Variants in MAST4 observed in about 807,000 individuals in gnomAD.
The protein encoded by MAST4 is microtubule associated serine/threonine kinase family member 4, also known as microtubule-associated serine/threonine-protein kinase 4.
MAST4 carries 89 observed loss-of-function variants against 162.7 expected under a neutral mutation model. The observed-to-expected ratio is 0.55, with a 90% CI of 0.46 to 0.65. The LOEUF (loss-of-function observed/expected upper bound fraction) is 0.65, where lower values mean the gene tolerates loss of function less well. Ranked by LOEUF, MAST4 falls within the 30% of genes least tolerant of loss-of-function variation. The pLI is 0.00. For missense variants in MAST4, 3,153 were observed against 3,374.0 expected, an observed-to-expected ratio of 0.93 and a Z score of 1.62; for synonymous variants, 1,479 against 1,361.1, an observed-to-expected ratio of 1.09 and a Z score of -1.91.
intron 3 of MAST4, among the ~76,000 whole-genome samples, chr5:66,802,171 T>G (rs1415857434): frequency 6.6e-6 from 1 of 152,228 alleles, no homozygotes; most frequent in East Asian, 1.9e-4. Flanking sequence ...AGCTTTCTTA[T>G]ACATGTTAGA....
At chr5:66,794,895 A>G (rs1222132607) in intron 3 of MAST4, among the ~76,000 whole-genome samples, 4 of 152,236 alleles carry the variant, frequency 2.6e-5, no homozygotes, top group Admixed American at 6.5e-5. Context: ...GCCTTGATGA[A>G]TATTCATCTT....
intron 4 of MAST4, among the ~76,000 whole-genome samples, chr5:67,050,125 G>A (rs149344936): frequency 6.6e-6 from 1 of 152,298 alleles, no homozygotes; most frequent in Non-Finnish European, 1.5e-5. Context: ...CTCACACTGA[G>A]CCAGGCCTGA....
At chr5:66,684,006 C>T (rs1748484955) in intron 1 of MAST4, among the ~76,000 whole-genome samples, 1 of 152,146 alleles carries the variant, frequency 6.6e-6, no homozygotes, top group Non-Finnish European at 1.5e-5. Context: ...TCACATGAGT[C>T]GTGTGTTTTT....
chr5:67,126,161 T>G (rs779233288), intron 14 of MAST4, among the ~76,000 whole-genome samples: 4 of 152,202 alleles, frequency 2.6e-5, no homozygotes, highest in African/African-American at 4.8e-5. Context: ...ATCAGATGGA[T>G]AGGTTGCAAA....
chr5:67,163,190 C>T lies in MAST4; in HGVS notation c.4011C>T (p.Pro1337=), dbSNP rs1773422802. 1.9e-6 allele frequency: 3 copies of T among 1,612,144 alleles called. No homozygotes were observed. Among genetic ancestry groups the T allele is most frequent in the Non-Finnish European group, 2.5e-6 (3 of 1,178,524 alleles). Residue 1337 remains proline (P), a synonymous_variant, in exon 29 of 29, where the codon CCC becomes CCT. Coordinates refer to ENST00000403625, the MANE Select transcript of MAST4 (RefSeq NM_001164664.2). This position sits in a 1 kb window ranked among gnomAD's most constrained non-coding sequence, Gnocchi z 7.0. Reference sequence around the variant, plus strand: ...GCAGCTCCCCTAGTTCTAGTGCCCCCAATTCCCCAGCAGGGTCCGGGCACA... The same window carrying T: ...GCAGCTCCCCTAGTTCTAGTGCCCCTAATTCCCCAGCAGGGTCCGGGCACA... ...SQSSSPSSSA[P]NSPAGSGHIR...
chr5:66,994,473 A>G (rs1421620064), intron 4 of MAST4, among the ~76,000 whole-genome samples: 1 of 149,636 alleles, frequency 6.7e-6, no homozygotes, highest in Non-Finnish European at 1.5e-5. Context: ...CTTGTTTCAC[A>G]TTCATTCATT....
At chr5:67,037,773 C>T (rs1244875404) in intron 4 of MAST4, among the ~76,000 whole-genome samples, 1 of 152,010 alleles carries the variant, frequency 6.6e-6, no homozygotes, top group East Asian at 1.9e-4. Context: ...AAGGCTTTGA[C>T]AACAAGAGCC....
At chr5:66,721,857 A>G (rs1402906110) in intron 1 of MAST4, among the ~76,000 whole-genome samples, 1 of 151,834 alleles carries the variant, frequency 6.6e-6, no homozygotes, top group East Asian at 1.9e-4. Context: ...TGCTGAGGCT[A>G]TATTGAAATC....
intron 4 of MAST4, among the ~76,000 whole-genome samples, chr5:66,958,030 A>G (rs1391124243): frequency 2.0e-5 from 3 of 151,954 alleles, no homozygotes; most frequent in Non-Finnish European, 4.4e-5. Flanking sequence ...ATCTGTAAAA[A>G]GACAGAGTTT....
intron 4 of MAST4, among the ~76,000 whole-genome samples, chr5:66,901,946 G>T (rs1216535367): frequency 6.6e-6 from 1 of 152,076 alleles, no homozygotes; most frequent in Non-Finnish European, 1.5e-5. Context: ...TAAAATAAAT[G>T]CTAGAGTGAT....
intron 5 of MAST4, among the ~76,000 whole-genome samples, chr5:67,088,894 C>A (rs1351139135): frequency 6.6e-6 from 1 of 152,130 alleles, no homozygotes; most frequent in Non-Finnish European, 1.5e-5. Flanking sequence ...TGAGAAATTT[C>A]GGTAGAGATA....
chr5:66,955,719 C>T (rs1326989775), intron 4 of MAST4, among the ~76,000 whole-genome samples: 1 of 152,124 alleles, frequency 6.6e-6, no homozygotes, highest in Non-Finnish European at 1.5e-5. Context: ...TAAAGGTGAT[C>T]ATGGTCCAAT....
In MAST4 at chr5:67,133,556, T is replaced by C; in HGVS notation, c.2136T>C (p.Phe712=). ...TSMGHIKLTD[F]GLSKVGLMSM... ...TGGGGCACATAAAGCTGACAGATTT[T>C]GGATTATCTAAGGTGGGACTAATGA... Residue 712 remains phenylalanine, a synonymous_variant, in exon 17 of 29, where the codon TTT becomes TTC. Coordinates refer to ENST00000403625, the MANE Select transcript of MAST4 (RefSeq NM_001164664.2). The C allele has an allele frequency of 6.2e-7, 1 of 1,613,488 alleles. No individual in the cohort carries two copies. The highest frequency in any genetic ancestry group is 8.5e-7 in the Non-Finnish European group (1 of 1,179,484).
intron 4 of MAST4, among the ~76,000 whole-genome samples, chr5:66,960,863 A>T (rs75527307): frequency 0.01 from 1,537 of 152,324 alleles, 21 homozygotes; most frequent in African/African-American, 0.034. Context: ...GAATTATGCC[A>T]CGAGTTTTAT....
At chr5:66,963,212 C>T (rs1359051491) in intron 4 of MAST4, among the ~76,000 whole-genome samples, 1 of 152,112 alleles carries the variant, frequency 6.6e-6, no homozygotes, top group Non-Finnish European at 1.5e-5. Flanking sequence ...ATCATTGCCC[C>T]TGAGGATTAG....
chr5:67,157,554 G>A (rs574160411), intron 26 of MAST4, among the ~76,000 whole-genome samples: 2 of 152,098 alleles, frequency 1.3e-5, no homozygotes, highest in South Asian at 4.1e-4. Context: ...ACCATGCCAC[G>A]TGTCAATCAA....
chr5:66,866,127 G>A (rs769211047), intron 3 of MAST4, among the ~76,000 whole-genome samples: 38 of 151,428 alleles, frequency 2.5e-4, no homozygotes, highest in Non-Finnish European at 4.0e-4. Flanking sequence ...TAGTTGCTGC[G>A]AAAAGTATTG....
intron 4 of MAST4, among the ~76,000 whole-genome samples, chr5:66,961,266 A>G (rs1371937909): frequency 6.6e-6 from 1 of 152,260 alleles, no homozygotes; most frequent in Non-Finnish European, 1.5e-5. Context: ...AAGCAGATTT[A>G]ATGTATATAA....
At chr5:66,758,287 G>A (rs1432837224) in intron 1 of MAST4, among the ~76,000 whole-genome samples, 1 of 151,978 alleles carries the variant, frequency 6.6e-6, no homozygotes, top group East Asian at 1.9e-4. Context: ...CTAAGCCGAT[G>A]AGGTCTGTTC....
Sources: allele counts gnomAD v4.1 joint callset (sites outside exome capture counted in the v4.1 genomes callset), GRCh38; gene constraint gnomAD v4.1.1; non-coding constraint Gnocchi (gnomAD v3.1); transcripts MANE v1.5; gene names NCBI Gene and HGNC (gene_info 2026-07-23, HGNC 2026-07-21).